The following SLC25A26 variants were observed in gnomAD, a reference collection of about 807,000 sequenced individuals.
The protein encoded by SLC25A26 is solute carrier family 25 member 26.
Under a neutral mutation model 37.8 loss-of-function variants are expected in SLC25A26, and 36 were observed. The ratio of observed to expected loss-of-function variants is 0.95; its 90% CI spans 0.73 to 1.26. The LOEUF is 1.26. Among genes scored for constraint, SLC25A26 ranks in the 50% most tolerant of loss-of-function variants. The pLI, the probability that SLC25A26 is intolerant of heterozygous loss-of-function variation, is 0.00. For missense variants in SLC25A26, 390 were observed against 331.1 expected (o/e 1.18, Z -1.38); for synonymous variants, 129 against 122.5 (o/e 1.05, Z -0.35).
At chr3:66,151,339 G>T (rs2070205561) in intron 1 of SLC25A26, among the ~76,000 whole-genome samples, 1 of 152,114 alleles carries the variant, frequency 6.6e-6, no homozygotes, top group South Asian at 2.1e-4. Flanking sequence ...AGGGAAGCAG[G>T]GGGCAGGGAG....
chr3:66,265,396 G>A (rs2073705615), intron 5 of SLC25A26, among the ~76,000 whole-genome samples: 1 of 152,196 alleles, frequency 6.6e-6, no homozygotes, highest in Non-Finnish European at 1.5e-5. Flanking sequence ...TTTTTTCTAA[G>A]TTCAAAAGTT....
At chr3:66,288,751 A>T (rs1156344223) in intron 5 of SLC25A26, among the ~76,000 whole-genome samples, 1 of 152,182 alleles carries the variant, frequency 6.6e-6, no homozygotes, top group Non-Finnish European at 1.5e-5. Flanking sequence ...GTTGGTTCCA[A>T]GTCTTTGCTG....
rs1309490705 is a variant in SLC25A26 at position 66,300,251 on chromosome 3, G to GTTTTTT, written c.453+36876_453+36877insTTTTTT. ...TGGACTTCTAGGCTAGGGTTTTTTTGTTTTGTTTTTTTTTTTTTTTTTGGT... is the reference window on the plus strand; with the variant it reads ...TGGACTTCTAGGCTAGGGTTTTTTTGTTTTTTTTTTGTTTTTTTTTTTTTTTTTGGT... On this transcript the variant is annotated intron_variant, in intron 5 of 9. Transcript: ENST00000354883. Among the ~76,000 whole-genome samples, 138 of 111,590 alleles carry GTTTTTT rather than the reference G, an allele frequency of 1.2e-3. 6 individuals are homozygous for GTTTTTT. The highest frequency in any genetic ancestry group is 2.6e-3 in the South Asian group (9 of 3,442). The allele number at this position is 111,590 out of a possible 152,430, so 73.2% of individuals were successfully genotyped here. A position where few individuals can be genotyped will look rare whatever the true frequency, so the allele number is the denominator to read the frequency against.
chr3:66,371,924 C>T (rs777516161), intron 9 of SLC25A26, among the ~76,000 whole-genome samples: 9 of 152,114 alleles, frequency 5.9e-5, no homozygotes, highest in Non-Finnish European at 1.0e-4. Context: ...TGGCAAGACT[C>T]TGTCTCTAAA....
chr3:66,352,515 A>G (rs1389416490), intron 6 of SLC25A26, among the ~76,000 whole-genome samples: 2 of 147,824 alleles, frequency 1.4e-5, no homozygotes, highest in African/African-American at 2.6e-5. Context: ...TTCTTCCTTC[A>G]TTCTATATAC....
intron 5 of SLC25A26, among the ~76,000 whole-genome samples, chr3:66,334,190 T>G (rs984407106): frequency 6.6e-6 from 1 of 152,234 alleles, no homozygotes; most frequent in African/African-American, 2.4e-5. Context: ...GATACTTCCC[T>G]GTCTGTTGCA....
At chr3:66,196,164 A>G (rs1231845148) in intron 1 of SLC25A26, among the ~76,000 whole-genome samples, 1 of 152,156 alleles carries the variant, frequency 6.6e-6, no homozygotes, top group African/African-American at 2.4e-5. Context: ...TTCTCTAGAC[A>G]TAAGGAAAAC....
rs552393408 is a variant in SLC25A26 at position 66,378,600 on chromosome 3, G to A, written c.*793G>A. ...TGAAATGGAAAGGTCACCACACTTA[G>A]GGATTTTAGACCTTGACTAACAAGC... On this transcript the variant is annotated 3_prime_UTR_variant, in exon 10 of 10. Transcript: ENST00000354883. 118 of 152,504 alleles carry A rather than the reference G, an allele frequency of 7.7e-4. No individual in the cohort carries two copies. The highest frequency in any genetic ancestry group is 1.5e-3 in the South Asian group (7 of 4,822). The allele number at this position is 152,504 out of a possible 1,614,324, so 9.4% of individuals were successfully genotyped here. A position where few individuals can be genotyped will look rare whatever the true frequency, so the allele number is the denominator to read the frequency against.
At chr3:66,372,397 T>TA (rs758028863) in intron 9 of SLC25A26, among the ~76,000 whole-genome samples, 1 of 152,110 alleles carries the variant, frequency 6.6e-6, no homozygotes, top group African/African-American at 2.4e-5. Context: ...TGGTAGGAGT[T>TA]ATGTTGAGTA....
intron 5 of SLC25A26, among the ~76,000 whole-genome samples, chr3:66,276,039 G>A (rs998413742): frequency 6.6e-6 from 1 of 152,072 alleles, no homozygotes; most frequent in African/African-American, 2.4e-5. Context: ...TTTTTTAGAT[G>A]TGTAATTAAA....
Position 66,309,506 on chromosome 3 carries a change from C to A in SLC25A26, c.454-36858C>A, listed in dbSNP as rs9830934. ...GTGTTTTTCATGTCTCTATATCCTT[C>A]AATTCTGCTCTGATCTTAATTATTT... On this transcript the variant is annotated intron_variant, in intron 5 of 9. Coordinates refer to ENST00000354883, the MANE Select transcript of SLC25A26 (RefSeq NM_001379210.1). 1.2e-3 allele frequency among the ~76,000 whole-genome samples: 188 copies of A among 152,056 alleles called. 1 individual carries two copies. The highest frequency in any genetic ancestry group is 1.9e-3 in the Non-Finnish European group (132 of 68,008).
chr3:66,195,032 C>T (rs2071021586), intron 1 of SLC25A26, among the ~76,000 whole-genome samples: 1 of 152,334 alleles, frequency 6.6e-6, no homozygotes, highest in South Asian at 2.1e-4. Context: ...CACCCCAATC[C>T]CACCTCCTTT....
At chr3:66,140,321 C>T (rs1300429447) in intron 1 of SLC25A26, among the ~76,000 whole-genome samples, 2 of 152,134 alleles carry the variant, frequency 1.3e-5, no homozygotes, top group Non-Finnish European at 2.9e-5. Flanking sequence ...GAGTCATGTG[C>T]TCATCCTGTG....
At chr3:66,163,399 A>G (rs754307889) in intron 1 of SLC25A26, among the ~76,000 whole-genome samples, 1 of 152,146 alleles carries the variant, frequency 6.6e-6, no homozygotes, top group Non-Finnish European at 1.5e-5. Context: ...TTCATGTGCT[A>G]TCTTCTCATC....
chr3:66,271,948 A>C (rs2073975431), intron 5 of SLC25A26, among the ~76,000 whole-genome samples: 1 of 152,088 alleles, frequency 6.6e-6, no homozygotes, highest in Non-Finnish European at 1.5e-5. Flanking sequence ...TGGTGGTCTC[A>C]CTGAAATTGA....
chr3:66,149,608 A>G (rs1024408439), intron 1 of SLC25A26, among the ~76,000 whole-genome samples: 1 of 152,220 alleles, frequency 6.6e-6, no homozygotes, highest in Admixed American at 6.5e-5. Flanking sequence ...CCCTTAGAAG[A>G]AAATAACATA....
chr3:66,332,868 A>G (rs2076009469), intron 5 of SLC25A26, among the ~76,000 whole-genome samples: 1 of 152,172 alleles, frequency 6.6e-6, no homozygotes, highest in Non-Finnish European at 1.5e-5. Context: ...TTTGTCCCTC[A>G]ATCAGAGATC....
intron 1 of SLC25A26, among the ~76,000 whole-genome samples, chr3:66,171,136 G>A (rs966685819): frequency 2.0e-5 from 3 of 152,208 alleles, no homozygotes; most frequent in Non-Finnish European, 4.4e-5. Flanking sequence ...ATTACTTTGT[G>A]TTAGAAGAGT....
intron 5 of SLC25A26, among the ~76,000 whole-genome samples, chr3:66,272,837 G>C (rs2074003409): frequency 1.3e-5 from 2 of 152,176 alleles, no homozygotes; most frequent in Non-Finnish European, 1.5e-5. Flanking sequence ...GTGTTGAATA[G>C]GAGTGGTGAG....
Sources: gnomAD v4.1 joint callset for allele counts (sites outside exome capture counted in the v4.1 genomes callset) on GRCh38, gnomAD v4.1.1 for gene constraint, MANE v1.5 for transcripts, NCBI Gene and HGNC (gene_info 2026-07-23, HGNC 2026-07-21) for gene names.